IAPP: variants seen among roughly 807,000 people sequenced by gnomAD.
IAPP encodes Islet amyloid polypeptide (diabetes-associated peptide; amylin).
A neutral mutation model predicts 2.9 loss-of-function variants in IAPP; 4 were observed. The ratio of observed to expected loss-of-function variants is 1.39; its 90% CI spans 0.69 to 3.19. IAPP has a LOEUF of 3.19. Ranked by LOEUF, IAPP falls within the 30% of genes most tolerant of loss-of-function variation. IAPP has a pLI of 0.01. For missense variants in IAPP, 114 were observed against 105.3 expected, an observed-to-expected ratio of 1.08 and a Z score of -0.36; for synonymous variants, 40 against 42.1, an observed-to-expected ratio of 0.95 and a Z score of 0.19.
Position 21,364,317 on chromosome 12 carries a change from T to C in IAPP, c.-15-9020T>C, listed in dbSNP as rs183137416. 1.1e-4 allele frequency among the ~76,000 whole-genome samples: 17 copies of C among 152,314 alleles called. No individual in the cohort carries two copies. The South Asian group carries it at 2.1e-3, about 19-fold the overall frequency. ...AAAACCACATGATTATCTCAATAGA[T>C]GAAGAAAAGGCCTTTGACAAAATTT... is the stretch of plus-strand genomic sequence containing the variant. On this transcript the variant is annotated intron_variant, in intron 1 of 2. Coordinates refer to the IAPP transcript ENST00000539393.
chr12:21,365,259 T>G (rs1216046756), intron 1 of IAPP, among the ~76,000 whole-genome samples: 2 of 152,152 alleles, frequency 1.3e-5, no homozygotes, highest in Admixed American at 6.5e-5. Context: ...TACAACCATC[T>G]GATCTTTGAC....
chr12:21,377,473 A>G (rs1264693288), intron 2 of IAPP, among the ~76,000 whole-genome samples: 1 of 152,142 alleles, frequency 6.6e-6, no homozygotes, highest in Non-Finnish European at 1.5e-5. Context: ...ATTATTCTGG[A>G]TTATGTGCAA....
intron 1 of IAPP, among the ~76,000 whole-genome samples, chr12:21,360,510 C>T (rs1343711143): frequency 2.6e-5 from 4 of 152,202 alleles, no homozygotes; most frequent in Admixed American, 2.0e-4. Flanking sequence ...GTGATTTCTG[C>T]ATTTCCAACT....
chr12:21,364,900 C>A (rs934682997), intron 1 of IAPP, among the ~76,000 whole-genome samples: 2 of 152,060 alleles, frequency 1.3e-5, no homozygotes, highest in Non-Finnish European at 2.9e-5. Flanking sequence ...TAAAACAGGA[C>A]ACAAACAAAT....
rs540014936 is a variant in IAPP at position 21,363,358 on chromosome 12, A to G, written c.-16+8345A>G. Reference sequence around the variant, plus strand: ...TTCTTTGAAACGAATGAGAACAAAGACACAACATACCAGAATCTCTGGGAC... The same window carrying G: ...TTCTTTGAAACGAATGAGAACAAAGGCACAACATACCAGAATCTCTGGGAC... On this transcript the variant is annotated intron_variant, in intron 1 of 2. Coordinates refer to the IAPP transcript ENST00000539393. Among the ~76,000 whole-genome samples the G allele has an allele frequency of 2.0e-5, 3 of 152,312 alleles. No homozygotes were observed. The South Asian group carries it at 6.2e-4, about 32-fold the overall frequency.
intron 2 of IAPP, among the ~76,000 whole-genome samples, chr12:21,375,648 G>A (rs1565522067): frequency 6.6e-6 from 1 of 152,156 alleles, no homozygotes; most frequent in Non-Finnish European, 1.5e-5. Context: ...CAATCACTAG[G>A]ATCTCCCTGC....
chr12:21,378,068 T>C (rs1027579943), intron 2 of IAPP, among the ~76,000 whole-genome samples, 169 bp from the exon 3 acceptor site: 1 of 152,142 alleles, frequency 6.6e-6, no homozygotes, highest in Non-Finnish European at 1.5e-5. Flanking sequence ...TATTTCAAGG[T>C]GTCAAAAAAA....
chr12:21,377,637 A>C (rs1467732397), intron 2 of IAPP, among the ~76,000 whole-genome samples: 1 of 152,138 alleles, frequency 6.6e-6, no homozygotes, highest in Non-Finnish European at 1.5e-5. Context: ...TAAATACTTC[A>C]TATACATGGA....
At chr12:21,359,686 G>T (rs994993055) in intron 1 of IAPP, among the ~76,000 whole-genome samples, 3 of 151,748 alleles carry the variant, frequency 2.0e-5, no homozygotes, top group Middle Eastern at 6.8e-3. Context: ...GGCAGAGCTT[G>T]CAGTGAGCCG....
chr12:21,375,592 G>A (rs929752743), intron 2 of IAPP, among the ~76,000 whole-genome samples: 3 of 152,120 alleles, frequency 2.0e-5, no homozygotes, highest in Non-Finnish European at 2.9e-5. Context: ...TGCCTGGCAG[G>A]TAATCAAAGG....
At chr12:21,364,027 A>C (rs566859645) in intron 1 of IAPP, among the ~76,000 whole-genome samples, 6 of 152,282 alleles carry the variant, frequency 3.9e-5, no homozygotes, top group African/African-American at 1.4e-4. Flanking sequence ...AAAAGAGGGA[A>C]TCCTCCCTCA....
At chr12:21,369,693 AT>A (rs1266406284), upstream of IAPP, among the ~76,000 whole-genome samples, 1 of 152,172 alleles carries the variant, frequency 6.6e-6, no homozygotes, top group African/African-American at 2.4e-5. Flanking sequence ...GCAGATTTTG[AT>A]AGAGTGGATC....
intron 1 of IAPP, 58 bp from the exon 2 acceptor site, chr12:21,373,279 T>A (rs1280116143): frequency 9.7e-7 from 1 of 1,034,088 alleles, no homozygotes; most frequent in Non-Finnish European, 1.5e-6. Flanking sequence ...AATTTAAAAT[T>A]ACATCAATTA....
intron 2 of IAPP, among the ~76,000 whole-genome samples, chr12:21,376,982 G>A (rs530959890): frequency 3.3e-5 from 5 of 152,150 alleles, no homozygotes; most frequent in South Asian, 2.1e-4. Context: ...TTCCGATATC[G>A]TTTTAAAAGC....
intron 1 of IAPP, among the ~76,000 whole-genome samples, chr12:21,365,609 C>A (rs912044653): frequency 6.6e-6 from 1 of 152,086 alleles, no homozygotes; most frequent in African/African-American, 2.4e-5. Flanking sequence ...AGTGAACAGG[C>A]AACCTACAGA....
chr12:21,371,219 T>C (rs1344674704), upstream of IAPP, among the ~76,000 whole-genome samples: 1 of 152,138 alleles, frequency 6.6e-6, no homozygotes, highest in Non-Finnish European at 1.5e-5. Flanking sequence ...TAAACTGACA[T>C]GGCACACTAG....
chr12:21,372,246 C>G (rs930852979), upstream of IAPP, among the ~76,000 whole-genome samples: 10 of 152,012 alleles, frequency 6.6e-5, no homozygotes, highest in African/African-American at 2.4e-4. Flanking sequence ...CTACATATAC[C>G]TATGGATCTC....
upstream of IAPP, among the ~76,000 whole-genome samples, chr12:21,369,070 T>TTTA (rs1314347740): frequency 1.3e-5 from 2 of 152,292 alleles, no homozygotes; most frequent in Admixed American, 1.3e-4. Flanking sequence ...AACTACTGTG[T>TTTA]TTATTATTAG....
At chr12:21,366,087 G>A (rs1939352751) in intron 1 of IAPP, among the ~76,000 whole-genome samples, 1 of 152,126 alleles carries the variant, frequency 6.6e-6, no homozygotes, top group Admixed American at 6.6e-5. Context: ...CTGCTATAAA[G>A]ACACATGCAT....
Sources: gnomAD v4.1 joint callset for allele counts (sites outside exome capture counted in the v4.1 genomes callset) on GRCh38, gnomAD v4.1.1 for gene constraint, MANE v1.5 for transcripts, NCBI Gene and HGNC (gene_info 2026-07-23, HGNC 2026-07-21) for gene names.